Variants in CDH11 observed in about 807,000 individuals in gnomAD.
CDH11 encodes cadherin 11, also known as cadherin-11.
CDH11 carries 11 observed loss-of-function variants against 67.8 expected under a neutral mutation model. The observed-to-expected ratio is 0.16, with a 90% CI of 0.10 to 0.27. The LOEUF (loss-of-function observed/expected upper bound fraction) is 0.27. CDH11 is among the 10% of genes least tolerant of loss of function. The pLI is 1.00. For synonymous variants in CDH11, 419 were observed against 400.0 expected, an observed-to-expected ratio of 1.05 and a Z score of -0.57; for missense variants, 847 against 1,031.2, an observed-to-expected ratio of 0.82 and a Z score of 2.45.
chr16:65,071,546 A>G (rs1040168103), intron 1 of CDH11, among the ~76,000 whole-genome samples: 1 of 152,160 alleles, frequency 6.6e-6, no homozygotes. Context: ...TCAGCTCCAC[A>G]GACCCAGGAA....
intron 11 of CDH11, among the ~76,000 whole-genome samples, chr16:64,952,095 C>A (rs556959955): frequency 1.3e-5 from 2 of 152,314 alleles, no homozygotes; most frequent in Admixed American, 1.3e-4. Flanking sequence ...CCACACTCTT[C>A]TGTGTGCCTG....
At chr16:65,091,106 C>G (rs1158492883) in intron 1 of CDH11, among the ~76,000 whole-genome samples, 1 of 152,178 alleles carries the variant, frequency 6.6e-6, no homozygotes, top group Non-Finnish European at 1.5e-5. Context: ...CAATGGCCTA[C>G]CTTGTACCTC....
intron 1 of CDH11, among the ~76,000 whole-genome samples, chr16:65,088,642 A>G (rs1328958288): frequency 6.6e-6 from 1 of 152,182 alleles, no homozygotes; most frequent in African/African-American, 2.4e-5. Flanking sequence ...TTTGCCTCCT[A>G]TAAATAAAAA....
chr16:65,089,286 T>C (rs1023990021), intron 1 of CDH11, among the ~76,000 whole-genome samples: 1 of 152,172 alleles, frequency 6.6e-6, no homozygotes, highest in African/African-American at 2.4e-5. Flanking sequence ...TAAACTTCTC[T>C]GAGCATTATT....
rs1168368547 is a variant in CDH11 at position 64,948,802 on chromosome 16, C to T, written c.1895-703G>A. ...GCTTGGGCAACCTAGGAGGGGTGAT[C>T]AGAGTCATTTATAAGGAAAGTTCAG... is the stretch of plus-strand genomic sequence containing the variant. On this transcript the variant is annotated intron_variant, in intron 12 of 12. Transcript: ENST00000268603. 3.2e-6 allele frequency: 5 copies of T among 1,562,198 alleles called. No individual in the cohort carries two copies. In the South Asian group the frequency reaches 4.7e-5, roughly 15 times the overall value.
intron 2 of CDH11, among the ~76,000 whole-genome samples, chr16:65,028,795 G>A (rs1053678473): frequency 6.6e-6 from 1 of 152,132 alleles, no homozygotes; most frequent in Non-Finnish European, 1.5e-5. Context: ...GATGAACCTG[G>A]AGGACATTAT....
At chr16:64,980,186 C>A (rs2072294181) in intron 8 of CDH11, among the ~76,000 whole-genome samples, 3 of 151,728 alleles carry the variant, frequency 2.0e-5, no homozygotes, top group African/African-American at 7.3e-5. Context: ...TACTAAAAAC[C>A]AATAAATTGT....
chr16:65,013,195 A>G (rs1439110471), intron 2 of CDH11, among the ~76,000 whole-genome samples: 1 of 152,162 alleles, frequency 6.6e-6, no homozygotes, highest in Non-Finnish European at 1.5e-5. Flanking sequence ...TTGAGGCCCC[A>G]GTGACCTACA....
chr16:65,088,695 C>T (rs1481420264), intron 1 of CDH11, among the ~76,000 whole-genome samples: 10 of 152,180 alleles, frequency 6.6e-5, no homozygotes, highest in East Asian at 5.8e-4. Context: ...GTAAAATTTA[C>T]GTACTGTAGA....
At chr16:64,999,108 A>C (rs866712547) in intron 3 of CDH11, among the ~76,000 whole-genome samples, 1 of 152,068 alleles carries the variant, frequency 6.6e-6, no homozygotes, top group African/African-American at 2.4e-5. Flanking sequence ...CTCTCCTTTC[A>C]CCTCTCTCCA....
At chr16:64,960,980 T>A (rs1458645474) in intron 11 of CDH11, among the ~76,000 whole-genome samples, 1 of 152,124 alleles carries the variant, frequency 6.6e-6, no homozygotes, top group African/African-American at 2.4e-5. Flanking sequence ...CTATCAAAAT[T>A]AGTTGTGCTT....
In CDH11 at chr16:64,993,165, G is replaced by A. The variant is rs183737421; in HGVS notation, c.524-131C>T. 6.5e-5 allele frequency: 45 copies of A among 693,312 alleles called. No individual in the cohort carries two copies. In the East Asian group the frequency reaches 1.3e-3, roughly 20 times the overall value. The allele number at this position is 693,312 out of a possible 1,614,324, so 42.9% of individuals were successfully genotyped here. Reference sequence around the variant, plus strand: ...TTATTCAACATTCTCTCATTTTCCTGGAGTTGAGATGCAAAATAACCAGCC... The same window carrying A: ...TTATTCAACATTCTCTCATTTTCCTAGAGTTGAGATGCAAAATAACCAGCC... On this transcript the variant is annotated intron_variant, in intron 4 of 12. Coordinates refer to ENST00000268603, the MANE Select transcript of CDH11 (RefSeq NM_001797.4).
Position 65,039,291 on chromosome 16 carries a change from C to T in CDH11, c.-173+14513G>A, listed in dbSNP as rs148596068. On this transcript the variant is annotated intron_variant, in intron 2 of 12. Coordinates refer to ENST00000268603, the MANE Select transcript of CDH11 (RefSeq NM_001797.4). ...CAAAAGAACAAAGCTTGAGGTATCA[C>T]GCTACCTGACTTCAAACTATACTAC... 9.9e-3 allele frequency among the ~76,000 whole-genome samples: 1,505 copies of T among 152,212 alleles called. 18 individuals are homozygous for T. Among genetic ancestry groups the T allele is most frequent in the Admixed American group, 0.017 (261 of 15,292 alleles).
chr16:65,014,768 C>T (rs1177318757), intron 2 of CDH11, among the ~76,000 whole-genome samples: 2 of 152,044 alleles, frequency 1.3e-5, no homozygotes, highest in African/African-American at 2.4e-5. Context: ...AATGAAGCAG[C>T]AGTGAGGGGA....
intron 11 of CDH11, among the ~76,000 whole-genome samples, chr16:64,952,710 T>A (rs1180834590): frequency 1.3e-5 from 2 of 152,212 alleles, no homozygotes; most frequent in South Asian, 2.1e-4. Context: ...TGGTATGGTC[T>A]GCCTCTGTTT....
intron 1 of CDH11, among the ~76,000 whole-genome samples, chr16:65,078,661 C>T (rs1332878142): frequency 6.6e-6 from 1 of 152,112 alleles, no homozygotes; most frequent in Non-Finnish European, 1.5e-5. Flanking sequence ...AATAAGTCAT[C>T]AAGCATTTAT....
chr16:65,024,754 T>A (rs951912342), intron 2 of CDH11, among the ~76,000 whole-genome samples: 1 of 152,176 alleles, frequency 6.6e-6, no homozygotes, highest in African/African-American at 2.4e-5. Context: ...TTGTGTAATG[T>A]CCAGTAATCT....
chr16:65,022,244 T>TA (rs71143550), intron 2 of CDH11, among the ~76,000 whole-genome samples: 16 of 150,518 alleles, frequency 1.1e-4, no homozygotes, highest in Non-Finnish European at 1.8e-4. Context: ...AAAACCAATT[T>TA]AAAAAAAAAA....
chr16:64,958,687 T>C (rs2071587747), intron 11 of CDH11, among the ~76,000 whole-genome samples: 1 of 152,208 alleles, frequency 6.6e-6, no homozygotes, highest in African/African-American at 2.4e-5. Context: ...ACTGACATTA[T>C]TGCATTCTAA....
Sources: allele counts gnomAD v4.1 joint callset (sites outside exome capture counted in the v4.1 genomes callset), GRCh38; gene constraint gnomAD v4.1.1; transcripts MANE v1.5; gene names NCBI Gene and HGNC (gene_info 2026-07-23, HGNC 2026-07-21).